Variants in TGFBR3 observed in about 807,000 individuals in gnomAD.
TGFBR3 encodes transforming growth factor beta receptor 3.
In TGFBR3, 46 loss-of-function variants were observed where a neutral mutation model predicts 87.9. That is an observed-to-expected ratio of 0.52 (90% CI 0.41 to 0.67). The LOEUF (loss-of-function observed/expected upper bound fraction) is 0.67. TGFBR3 is among the 30% of genes least tolerant of loss of function. The probability of loss-of-function intolerance (pLI) is 0.00; values close to 1 mark genes in which losing one functional copy is unlikely to be tolerated. For synonymous variants in TGFBR3, 381 were observed against 391.6 expected (o/e 0.97, Z 0.32); for missense variants, 866 against 1,041.9 (o/e 0.83, Z 2.32).
intron 4 of TGFBR3, among the ~76,000 whole-genome samples, chr1:91,740,903 A>G (rs1673138184): frequency 6.6e-6 from 1 of 152,218 alleles, no homozygotes; most frequent in Non-Finnish European, 1.5e-5. Flanking sequence ...TTTGTCTAAT[A>G]TGAGAAAGGG....
At chr1:91,865,024 G>A (rs924777941) in intron 1 of TGFBR3, among the ~76,000 whole-genome samples, 20 of 152,046 alleles carry the variant, frequency 1.3e-4, no homozygotes, top group Middle Eastern at 3.4e-3. Flanking sequence ...CCAACCTGGC[G>A]AAACTCCAGC....
At chr1:91,723,984 G>A (rs377413303) in intron 7 of TGFBR3, among the ~76,000 whole-genome samples, 23 of 152,238 alleles carry the variant, frequency 1.5e-4, no homozygotes, top group African/African-American at 4.8e-4. Context: ...ATTGGCTGAA[G>A]CCACATATAT....
chr1:91,731,542 G>A (rs1399927953), intron 5 of TGFBR3, among the ~76,000 whole-genome samples: 15 of 152,222 alleles, frequency 9.9e-5, no homozygotes, highest in Admixed American at 9.8e-4. Context: ...ATGAGCAAAT[G>A]AGGTATGCAC....
intron 2 of TGFBR3, among the ~76,000 whole-genome samples, chr1:91,808,559 G>A (rs749431294): frequency 6.6e-6 from 1 of 152,164 alleles, no homozygotes; most frequent in African/African-American, 2.4e-5. Flanking sequence ...TCCGCCTCCT[G>A]GGTTCGAGTG....
intron 3 of TGFBR3, among the ~76,000 whole-genome samples, chr1:91,759,076 T>C (rs1182582583): frequency 2.0e-5 from 3 of 152,152 alleles, no homozygotes; most frequent in Non-Finnish European, 4.4e-5. Context: ...AAAGTTACCT[T>C]CCCTTAGGCC....
chr1:91,734,829 G>C lies in TGFBR3; in HGVS notation c.515C>G (p.Thr172Ser). Residue 172 changes from threonine to serine, a missense_variant, in exon 5 of 17, where the codon ACT becomes AGT. Thr to Ser is a moderately conservative substitution (Grantham distance 58). Coordinates refer to ENST00000212355, the MANE Select transcript of TGFBR3 (RefSeq NM_003243.5). ...NWARKEYGAV[T>S]SFTELKIARN... Reference sequence around the variant, plus strand: ...TGCTATCTTGAGTTCGGTGAATGAAGTAACTGCTCCATACTCTTTTCGGGC... The same window carrying C: ...TGCTATCTTGAGTTCGGTGAATGAACTAACTGCTCCATACTCTTTTCGGGC... The C allele has an allele frequency of 6.2e-7, 1 of 1,614,214 alleles. No individual in the cohort carries two copies. Among genetic ancestry groups the C allele is most frequent in the Non-Finnish European group, 8.5e-7 (1 of 1,180,020 alleles).
At chr1:91,798,794 A>T (rs1404767737) in intron 2 of TGFBR3, among the ~76,000 whole-genome samples, 2 of 152,222 alleles carry the variant, frequency 1.3e-5, no homozygotes, top group Non-Finnish European at 2.9e-5. Context: ...GAGCTTAAAA[A>T]AAATTGCCCC....
chr1:91,850,780 CAAAAAAAAAAAA>C (rs61025683), intron 2 of TGFBR3, among the ~76,000 whole-genome samples: 5 of 58,432 alleles, frequency 8.6e-5, no homozygotes, highest in East Asian at 6.8e-4. Context: ...GACCCTGTCT[CAAAAAAAAAAAA>C]AAAAAAAAAA....
upstream of TGFBR3, among the ~76,000 whole-genome samples, chr1:91,888,823 C>T (rs1679387631): frequency 6.6e-6 from 1 of 152,164 alleles, no homozygotes; most frequent in African/African-American, 2.4e-5. Flanking sequence ...CCCGTAGAGC[C>T]AGATTCACAA....
At chr1:91,740,212 A>G (rs1673113878) in intron 4 of TGFBR3, among the ~76,000 whole-genome samples, 2 of 151,912 alleles carry the variant, frequency 1.3e-5, no homozygotes, top group African/African-American at 4.8e-5. Context: ...GGCGTGTGCC[A>G]CCACATCCGG....
chr1:91,898,070 T>A lies in TGFBR3; in HGVS notation c.-114+1567A>T, dbSNP rs954839417. Among the ~76,000 whole-genome samples the A allele has an allele frequency of 2.0e-5, 3 of 151,648 alleles. No individual in the cohort carries two copies. The East Asian group carries it at 5.8e-4, about 29-fold the overall frequency. On this transcript the variant is annotated intron_variant, in intron 2 of 17. Transcript: ENST00000370399. ...AAAAAAAAAAAAAGAAATAAAACAT[T>A]ACATTAGTCACCCCTAGAAAGTACA... is the stretch of plus-strand genomic sequence containing the variant.
intron 3 of TGFBR3, among the ~76,000 whole-genome samples, chr1:91,761,355 C>A (rs1052018741): frequency 4.6e-5 from 7 of 152,190 alleles, no homozygotes; most frequent in Non-Finnish European, 5.9e-5. Flanking sequence ...CCACAGCTCT[C>A]TGAGCTTTCC....
In TGFBR3 at chr1:91,683,534, A is replaced by T. The variant is rs1406159552; in HGVS notation, c.*205T>A. 1.4e-6 allele frequency: 1 copy of T among 697,554 alleles called. No individual in the cohort carries two copies. The highest frequency in any genetic ancestry group is 2.6e-6 in the Non-Finnish European group (1 of 383,596). 43.2% of individuals were successfully genotyped at this position (697,554 alleles called of 1,614,324 possible). On this transcript the variant is annotated 3_prime_UTR_variant, in exon 17 of 17. Transcript: ENST00000212355. ...TCACATGAATTCTAGTGTGGTACAG[A>T]AGCCCAGGGTCATGTTTATACTAGC... is the stretch of plus-strand genomic sequence containing the variant.
chr1:91,833,165 G>A (rs961827114), intron 2 of TGFBR3, among the ~76,000 whole-genome samples: 6 of 150,684 alleles, frequency 4.0e-5, no homozygotes, highest in South Asian at 2.1e-4. Flanking sequence ...TCTTGGTGGC[G>A]GGAGCCTGTA....
chr1:91,890,409 C>CTTTTTTTTTTTTTTTTTT (rs1175619952), upstream of TGFBR3, among the ~76,000 whole-genome samples: 2 of 60,364 alleles, frequency 3.3e-5, 1 homozygote, highest in Non-Finnish European at 5.5e-5. Context: ...TCTCTATAAT[C>CTTTTTTTTTTTTTTTTTT]TTTTTTTTTT....
intron 16 of TGFBR3, among the ~76,000 whole-genome samples, chr1:91,685,036 C>T (rs1167933407): frequency 6.6e-6 from 1 of 152,182 alleles, no homozygotes; most frequent in African/African-American, 2.4e-5. Context: ...GGCCCCATTA[C>T]TTCCATTCTC....
In TGFBR3 at chr1:91,716,159, AG is replaced by A; in HGVS notation, c.1866+76del. ...AGGTAGGACAGGAAGAGGTCTGTAC[AG>A]GGTATTTTAGCTGATGTCTAAGGAA... On this transcript the variant is annotated intron_variant, in intron 12 of 16. Coordinates refer to ENST00000212355, the MANE Select transcript of TGFBR3 (RefSeq NM_003243.5). 2.6e-6 allele frequency: 4 copies of A among 1,566,118 alleles called. No individual in the cohort carries two copies. In the South Asian group the frequency reaches 4.5e-5, roughly 18 times the overall value.
Position 91,698,133 on chromosome 1 carries a change from G to A in TGFBR3, c.2288-3C>T. 1 of 1,613,266 alleles carries A rather than the reference G, an allele frequency of 6.2e-7. No individual in the cohort carries two copies. The highest frequency in any genetic ancestry group is 8.5e-7 in the Non-Finnish European group (1 of 1,179,320). ...TTCCTTCATGCTTGGACCTTTTTCT[G>A]AAACAAAAACATAAATCACAATGTA... is the stretch of plus-strand genomic sequence containing the variant. On this transcript the variant is annotated splice_region_variant and splice_polypyrimidine_tract_variant and intron_variant, in intron 14 of 16. Coordinates refer to ENST00000212355, the MANE Select transcript of TGFBR3 (RefSeq NM_003243.5).
rs199876266 is a variant in TGFBR3, at chr1:91,761,342, G to C, written c.247-2592C>G. On this transcript the variant is annotated intron_variant, in intron 3 of 16. Transcript: ENST00000212355. The stretch of plus-strand genomic sequence containing the variant: ...CATACAATCAAGGGAAGATTTCTAG[G>C]AGCCACAGCTCTCTGAGCTTTCCTG... Among the ~76,000 whole-genome samples, 49 of 152,240 alleles carry C rather than the reference G, an allele frequency of 3.2e-4. 1 individual carries two copies. In the East Asian group the frequency reaches 6.0e-3, roughly 19 times the overall value.
Sources: allele counts gnomAD v4.1 joint callset (sites outside exome capture counted in the v4.1 genomes callset), GRCh38; gene constraint gnomAD v4.1.1; transcripts MANE v1.5; gene names NCBI Gene and HGNC (gene_info 2026-07-23, HGNC 2026-07-21).